The following ZNF430 variants were observed in gnomAD, a reference collection of about 807,000 sequenced individuals.
ZNF430 encodes zinc finger protein 430.
A neutral mutation model predicts 56.7 loss-of-function variants in ZNF430; 35 were observed. That is an observed-to-expected ratio of 0.62 (90% CI 0.47 to 0.82). The LOEUF is 0.82. Ranked by LOEUF, ZNF430 falls within the 40% of genes least tolerant of loss-of-function variation. The pLI is 0.00. For synonymous variants in ZNF430, 212 were observed against 224.3 expected (o/e 0.94, Z 0.49); for missense variants, 574 against 661.0 (o/e 0.87, Z 1.44).
chr19:21,036,285 G>A (rs1025724193), intron 4 of ZNF430: 1 of 172,972 alleles, frequency 5.8e-6, no homozygotes, highest in African/African-American at 2.4e-5. Flanking sequence ...TTCTTTCTTA[G>A]CCAATTTTCA....
chr19:21,048,193 T>TAG (rs1968214388), intron 4 of ZNF430, among the ~76,000 whole-genome samples: 1 of 108,700 alleles, frequency 9.2e-6, no homozygotes, highest in Non-Finnish European at 1.8e-5. Flanking sequence ...TTTTTTTTTT[T>TAG]TTTAGTATTT....
In ZNF430 at chr19:21,040,457, C is replaced by G. The variant is rs796333127; in HGVS notation, c.322+6273C>G. Among the ~76,000 whole-genome samples, 3 of 152,162 alleles carry G rather than the reference C, an allele frequency of 2.0e-5. No individual in the cohort carries two copies. In the South Asian group the frequency reaches 6.2e-4, roughly 32 times the overall value. On this transcript the variant is annotated intron_variant, in intron 4 of 4. Coordinates refer to ENST00000261560, the MANE Select transcript of ZNF430 (RefSeq NM_025189.4). ...GAGCTGGTTCATTAAAATAACCTGT[C>G]TCCTTCACCTCACACTTGCTCTGTC...
At chr19:21,020,833 G>T in intron 1 of ZNF430, 30 bp downstream of exon 1, 10 of 1,613,748 alleles carry the variant, frequency 6.2e-6, no homozygotes, top group Non-Finnish European at 8.5e-6. Context: ...CATCCCCAGA[G>T]AGGGGAGGGG....
At chr19:21,029,009 A>G (rs1967853848) in intron 2 of ZNF430, among the ~76,000 whole-genome samples, 2 of 152,086 alleles carry the variant, frequency 1.3e-5, no homozygotes, top group Non-Finnish European at 2.9e-5. Flanking sequence ...CTCCCCTTAT[A>G]CAAGAGATAA....
intron 4 of ZNF430, chr19:21,049,612 C>CATTTCTTGTTA (rs1968246446): frequency 7.3e-6 from 1 of 136,624 alleles, no homozygotes; most frequent in African/African-American, 2.8e-5. Flanking sequence ...TGTCTGGCCA[C>CATTTCTTGTTA]CATGTAACAT....
At chr19:21,026,000 C>T in intron 2 of ZNF430, 1 of 392,052 alleles carries the variant, frequency 2.6e-6, no homozygotes, top group Non-Finnish European at 4.8e-6. Context: ...GTAATGTGGG[C>T]CCCAGATCCA....
chr19:21,048,896 T>C (rs1196341772), intron 4 of ZNF430, among the ~76,000 whole-genome samples: 2 of 151,664 alleles, frequency 1.3e-5, no homozygotes, highest in African/African-American at 4.8e-5. Context: ...ATAAAATATC[T>C]TAAAGTTAAA....
chr19:21,059,745 CAT>C lies in ZNF430; in HGVS notation c.*1725_*1726del, dbSNP rs771412161. On this transcript the variant is annotated 3_prime_UTR_variant, in exon 5 of 5. Coordinates refer to ENST00000261560, the MANE Select transcript of ZNF430 (RefSeq NM_025189.4). ...TGTTTCTTTATTCCAGTTGTATTCACATGTGAAAGCATGTGATCAGTTATTGC... is the reference window on the plus strand; with the variant it reads ...TGTTTCTTTATTCCAGTTGTATTCACGTGAAAGCATGTGATCAGTTATTGC... 3 of 151,986 alleles carry C rather than the reference CAT, an allele frequency of 2.0e-5. No individual in the cohort carries two copies. Among genetic ancestry groups the C allele is most frequent in the Non-Finnish European group, 2.9e-5 (2 of 67,998 alleles). 9.4% of individuals were successfully genotyped at this position (151,986 alleles called of 1,614,324 possible).
At position 21,057,728 on chromosome 19, in the gene ZNF430, G is replaced by C. The variant is rs1271361206; in HGVS notation, c.1420G>C (p.Ala474Pro). 4 of 1,570,520 alleles carry C rather than the reference G, an allele frequency of 2.5e-6. No homozygotes were observed. Among genetic ancestry groups the C allele is most frequent in the Non-Finnish European group, 3.5e-6 (4 of 1,159,046 alleles). Residue 474 changes from alanine (A) to proline (P), a missense_variant, in exon 5 of 5, where the codon GCA (alanine) becomes CCA (proline). Ala to Pro is a conservative substitution (Grantham distance 27). Transcript: ENST00000261560. ...CTTTAACCGGTCCCCAAAACTTACTGCACATAAGGTAATTCATTCTGGAGA... is the reference window on the plus strand; with the variant it reads ...CTTTAACCGGTCCCCAAAACTTACTCCACATAAGGTAATTCATTCTGGAGA... ...KAFNRSPKLT[A>P]HKVIHSGEKP...
chr19:21,048,794 GGCTGGCCGGGCGGGT>G lies in ZNF430; in HGVS notation c.323-7829_323-7815del, dbSNP rs973206087. ...GCGCCCCCCACCTCCCGGACGGGGC[GGCTGGCCGGGCGGGT>G]GCTGGCCCCAACCTCCCTCCTGGAC... On this transcript the variant is annotated intron_variant, in intron 4 of 4. Coordinates refer to ENST00000261560, the MANE Select transcript of ZNF430 (RefSeq NM_025189.4). 2.8e-3 allele frequency among the ~76,000 whole-genome samples: 427 copies of G among 152,098 alleles called. 1 individual carries two copies. Among genetic ancestry groups the G allele is most frequent in the Middle Eastern group, 0.017 (5 of 290 alleles).
At chr19:21,033,616 A>G in intron 3 of ZNF430, 34 bp downstream of exon 3, 1 of 1,528,532 alleles carries the variant, frequency 6.5e-7, no homozygotes. Context: ...TTACTAGTAT[A>G]CCCTAAAGGT....
chr19:21,051,504 A>G (rs1470706198), intron 4 of ZNF430, among the ~76,000 whole-genome samples: 2 of 152,028 alleles, frequency 1.3e-5, no homozygotes, highest in Admixed American at 1.3e-4. Context: ...TTATTAGTTC[A>G]CTTTGTTTTG....
chr19:21,034,226 C>G (rs759459069), intron 4 of ZNF430, 42 bp downstream of exon 4: 1 of 1,321,970 alleles, frequency 7.6e-7, no homozygotes, highest in South Asian at 1.5e-5. Flanking sequence ...AATGAGAGGT[C>G]CAAAAAAGAA....
chr19:21,050,976 T>C (rs917232392), intron 4 of ZNF430, among the ~76,000 whole-genome samples: 6 of 152,086 alleles, frequency 3.9e-5, no homozygotes, highest in African/African-American at 1.4e-4. Flanking sequence ...TGCAGTGAGC[T>C]GAGATCATGC....
chr19:21,034,489 C>A (rs888576771), intron 4 of ZNF430: 12 of 249,076 alleles, frequency 4.8e-5, no homozygotes, highest in African/African-American at 2.7e-4. Flanking sequence ...CAAATATCTA[C>A]ATGATTTTGA....
Position 21,033,624 on chromosome 19 carries a change from G to A in ZNF430, c.223+42G>A, listed in dbSNP as rs76746082. 13,233 of 1,512,508 alleles carry A rather than the reference G, an allele frequency of 8.7e-3. 967 individuals are homozygous for A. The African/African-American group carries it at 0.16, about 19-fold the overall frequency. The allele number at this position is 1,512,508 out of a possible 1,614,324, so 93.7% of individuals were successfully genotyped here. On this transcript the variant is annotated intron_variant, in intron 3 of 4. Coordinates refer to ENST00000261560, the MANE Select transcript of ZNF430 (RefSeq NM_025189.4). ...TACACAATTACTAGTATACCCTAAA[G>A]GTTTCATTTCTCATTTTTTGAGAAT...
intron 2 of ZNF430, among the ~76,000 whole-genome samples, chr19:21,026,878 G>A (rs543690806): frequency 8.5e-6 from 1 of 117,700 alleles, no homozygotes; most frequent in East Asian, 2.9e-4. Flanking sequence ...TCGCCAGGCT[G>A]GAGTGCAGTG....
At chr19:21,056,109 CACTTA>C (rs895035278) in intron 4 of ZNF430, among the ~76,000 whole-genome samples, 3 of 152,188 alleles carry the variant, frequency 2.0e-5, no homozygotes, top group South Asian at 2.1e-4. Context: ...GCACTTCACA[CACTTA>C]ACTTATTTAT....
In ZNF430 at chr19:21,022,435, A is replaced by G. The variant is rs1214242769; in HGVS notation, c.4-354A>G. ...TGTACATTTTTTACACCGTATTTTA[A>G]TTAGTTATTTTCTGACAAAGTATTA... On this transcript the variant is annotated intron_variant, in intron 1 of 4. Transcript: ENST00000261560. Among the ~76,000 whole-genome samples the G allele has an allele frequency of 4.9e-4, 74 of 152,134 alleles. 1 individual carries two copies. Among genetic ancestry groups the G allele is most frequent in the Non-Finnish European group, 1.0e-4 (7 of 68,014 alleles).
Sources: gnomAD v4.1 joint callset for allele counts (sites outside exome capture counted in the v4.1 genomes callset) on GRCh38, gnomAD v4.1.1 for gene constraint, MANE v1.5 for transcripts, NCBI Gene and HGNC (gene_info 2026-07-23, HGNC 2026-07-21) for gene names.